Variants in CHST15 observed in about 807,000 individuals in gnomAD.
CHST15 encodes B cell RAG associated protein (GALNAC4S-6ST).
Under a neutral mutation model 53.6 loss-of-function variants are expected in CHST15, and 30 were observed. That is an observed-to-expected ratio of 0.56 (90% CI 0.42 to 0.76). CHST15 has a LOEUF of 0.76. Among genes scored for constraint, CHST15 ranks in the 30% least tolerant of loss-of-function variants. CHST15 has a pLI of 0.00. For missense variants in CHST15, 627 were observed against 740.5 expected, an observed-to-expected ratio of 0.85 and a Z score of 1.78; for synonymous variants, 296 against 289.8, an observed-to-expected ratio of 1.02 and a Z score of -0.22.
chr10:124,041,503 T>C (rs1363567841), intron 4 of CHST15, among the ~76,000 whole-genome samples: 1 of 152,164 alleles, frequency 6.6e-6, no homozygotes, highest in Non-Finnish European at 1.5e-5. Context: ...CTGGAAATTT[T>C]CCAAGACAGT....
intron 5 of CHST15, among the ~76,000 whole-genome samples, chr10:124,032,979 A>G (rs1947285138): frequency 6.6e-6 from 1 of 152,162 alleles, no homozygotes; most frequent in Non-Finnish European, 1.5e-5. Context: ...TCTCCAAGCC[A>G]ATTTATAGAA....
At chr10:124,013,026 C>T (rs1946464311) in intron 6 of CHST15, among the ~76,000 whole-genome samples, 1 of 152,214 alleles carries the variant, frequency 6.6e-6, no homozygotes, top group African/African-American at 2.4e-5. Flanking sequence ...TAAGTCCTTT[C>T]TACTTTCCAG....
intron 5 of CHST15, among the ~76,000 whole-genome samples, chr10:124,031,922 A>G (rs976421776): frequency 6.6e-6 from 1 of 151,964 alleles, no homozygotes; most frequent in Admixed American, 6.6e-5. Context: ...ACCCCGGTAC[A>G]CCTCCCAGAC....
At position 124,009,247 on chromosome 10, in the gene CHST15, G is replaced by A. The variant is rs1485498883; in HGVS notation, c.*902C>T. 1.0e-5 allele frequency: 11 copies of A among 1,090,724 alleles called. No individual in the cohort carries two copies. The highest frequency in any genetic ancestry group is 1.7e-5 in the African/African-American group (1 of 60,490). 67.6% of individuals were successfully genotyped at this position (1,090,724 alleles called of 1,614,324 possible). A position where few individuals can be genotyped will look rare whatever the true frequency, so the allele number is the denominator to read the frequency against. On this transcript the variant is annotated 3_prime_UTR_variant, in exon 8 of 8. Coordinates refer to ENST00000435907, the MANE Select transcript of CHST15 (RefSeq NM_001270764.2). Reference sequence around the variant, plus strand: ...AAGAAGTGTTCAATTCCTTGAGGTTGCTCATTCTGGCATTAACAGCAAAAA... The same window carrying A: ...AAGAAGTGTTCAATTCCTTGAGGTTACTCATTCTGGCATTAACAGCAAAAA...
intron 4 of CHST15, among the ~76,000 whole-genome samples, chr10:124,041,979 G>T (rs1334204801): frequency 2.6e-5 from 4 of 152,310 alleles, no homozygotes; most frequent in African/African-American, 9.6e-5. Flanking sequence ...TATCAGATCA[G>T]TACATCAGGA....
chr10:124,057,687 G>T (rs529590712), intron 1 of CHST15, among the ~76,000 whole-genome samples: 1 of 152,310 alleles, frequency 6.6e-6, no homozygotes, highest in South Asian at 2.1e-4. Flanking sequence ...AGAAGAACTA[G>T]CTCTGCTCCA....
chr10:124,041,899 T>G (rs560686419), intron 4 of CHST15, among the ~76,000 whole-genome samples: 1 of 152,110 alleles, frequency 6.6e-6, no homozygotes, highest in Non-Finnish European at 1.5e-5. Flanking sequence ...TGGCCAGGGA[T>G]TACAAAAGCC....
At chr10:124,066,649 G>C (rs1002099093) in intron 1 of CHST15, among the ~76,000 whole-genome samples, 2 of 152,252 alleles carry the variant, frequency 1.3e-5, no homozygotes, top group Non-Finnish European at 2.9e-5. Flanking sequence ...GAAGGATGAT[G>C]AACAAATCCC....
rs1426611571 is a variant in CHST15, at chr10:124,068,081, CA to C, written c.-512-21358del. On this transcript the variant is annotated intron_variant, in intron 1 of 7. Transcript: ENST00000435907. ...GCCTTAATTAGTGAAATAACTGAAGCAAAAAATGAGTATATGCCTAATTCCC... is the reference window on the plus strand; with the variant it reads ...GCCTTAATTAGTGAAATAACTGAAGCAAAAATGAGTATATGCCTAATTCCC... 2.6e-5 allele frequency among the ~76,000 whole-genome samples: 4 copies of C among 152,056 alleles called. 1 individual carries two copies. The South Asian group carries it at 6.2e-4, about 24-fold the overall frequency.
chr10:124,009,039 A>G lies in CHST15; in HGVS notation c.*1110T>C, dbSNP rs1259037103. 80 of 1,289,010 alleles carry G rather than the reference A, an allele frequency of 6.2e-5. No individual in the cohort carries two copies. Among genetic ancestry groups the G allele is most frequent in the Non-Finnish European group, 7.7e-5 (76 of 988,644 alleles). 79.8% of individuals were successfully genotyped at this position (1,289,010 alleles called of 1,614,324 possible). ...TGTGTTTTGGAATTGGGACACGAGT[A>G]TCTATAGTCCCTTGCTGGGTGAGGA... On this transcript the variant is annotated 3_prime_UTR_variant, in exon 8 of 8. Coordinates refer to ENST00000435907, the MANE Select transcript of CHST15 (RefSeq NM_001270764.2).
In CHST15 at chr10:124,045,817, C is replaced by T. The variant is rs1947979006; in HGVS notation, c.396G>A (p.Lys132=). The change falls in exon 2 of 8, where the codon AAG becomes AAA. Residue 132 remains lysine (K), a synonymous_variant. Transcript: ENST00000435907. The part of the protein sequence containing the change: ...LMDSENPSDT[K]EHHHQSSVNN... ...TTACAGAGGATTGGTGGTGATGCTCCTTTGTGTCACTTGGGTTTTCGCTGT... is the reference window on the plus strand; with the variant it reads ...TTACAGAGGATTGGTGGTGATGCTCTTTTGTGTCACTTGGGTTTTCGCTGT... The T allele has an allele frequency of 6.2e-7, 1 of 1,613,686 alleles. No homozygotes were observed. The highest frequency in any genetic ancestry group is 1.3e-5 in the African/African-American group (1 of 74,774).
chr10:124,013,400 T>C (rs4929832), intron 6 of CHST15, among the ~76,000 whole-genome samples: 37,014 of 152,180 alleles, frequency 0.24, 4,756 homozygotes, highest in Middle Eastern at 0.39. Context: ...CCACATACCA[T>C]GGCCAGTGGC....
chr10:124,089,965 C>G (rs1376213239), intron 1 of CHST15, among the ~76,000 whole-genome samples: 1 of 152,190 alleles, frequency 6.6e-6, no homozygotes, highest in Non-Finnish European at 1.5e-5. Flanking sequence ...TCAACAGCTG[C>G]TGAATGAACA....
chr10:124,038,595 T>C lies in CHST15; in HGVS notation c.1110A>G (p.Pro370=), dbSNP rs28375663. The C allele has an allele frequency of 0.16, 256,696 of 1,613,980 alleles. 21,688 individuals carry two copies. Among genetic ancestry groups the C allele is most frequent in the Non-Finnish European group, 0.17 (201,694 of 1,179,952 alleles). The stretch of plus-strand genomic sequence containing the variant: ...GGATGAAGTCCTGCGTCAGAAACGG[T>C]GGCTCGCCATCCGTGCTGTTGTCGT... ...FFYDNSTDGE[P]PFLTQDFIHA... Residue 370 remains proline (P), a synonymous_variant, in exon 5 of 8, where the codon CCA becomes CCG. Transcript: ENST00000435907.
intron 6 of CHST15, among the ~76,000 whole-genome samples, 197 bp from the exon 7 acceptor site, chr10:124,012,677 A>G (rs947268323): frequency 6.6e-5 from 10 of 152,296 alleles, no homozygotes; most frequent in Admixed American, 2.0e-4. Context: ...AAGAATTCCT[A>G]TATTAGGGGT....
rs928905203 is a variant in CHST15, at chr10:124,020,624, A to C, written c.1347+632T>G. 5.2e-5 allele frequency: 51 copies of C among 987,814 alleles called. No homozygotes were observed. The African/African-American group carries it at 7.3e-4, about 14-fold the overall frequency. The allele number at this position is 987,814 out of a possible 1,614,324, so 61.2% of individuals were successfully genotyped here. Reference sequence around the variant, plus strand: ...CTTGTAAAGCCACTCTGGAACACGCAGCGGCAATGCTCGCTGCATAAGCCC... The same window carrying C: ...CTTGTAAAGCCACTCTGGAACACGCCGCGGCAATGCTCGCTGCATAAGCCC... On this transcript the variant is annotated intron_variant, in intron 6 of 7. Coordinates refer to ENST00000435907, the MANE Select transcript of CHST15 (RefSeq NM_001270764.2).
intron 1 of CHST15, among the ~76,000 whole-genome samples, chr10:124,082,044 G>A (rs933755056): frequency 3.3e-5 from 5 of 152,158 alleles, no homozygotes; most frequent in Admixed American, 2.0e-4. Context: ...GTTCTTATTC[G>A]GCCGCTGGTG....
Position 124,012,257 on chromosome 10 carries a change from T to C in CHST15, c.1495+76A>G, listed in dbSNP as rs1169858109. 25 of 1,534,298 alleles carry C rather than the reference T, an allele frequency of 1.6e-5. No individual in the cohort carries two copies. In the East Asian group the frequency reaches 5.7e-4, roughly 35 times the overall value. On this transcript the variant is annotated intron_variant, in intron 7 of 7. Coordinates refer to ENST00000435907, the MANE Select transcript of CHST15 (RefSeq NM_001270764.2). ...TCCCACCCAGCTGACCAGGTCTGCATTTGCCCCAGAGGACTCCCAGAACAA... is the reference window on the plus strand; with the variant it reads ...TCCCACCCAGCTGACCAGGTCTGCACTTGCCCCAGAGGACTCCCAGAACAA...
intron 5 of CHST15, among the ~76,000 whole-genome samples, chr10:124,032,090 A>C (rs1307050564): frequency 6.6e-6 from 1 of 152,230 alleles, no homozygotes; most frequent in Non-Finnish European, 1.5e-5. Context: ...CATTTCATTA[A>C]AAGCCTGCTT....
Sources: allele counts gnomAD v4.1 joint callset (sites outside exome capture counted in the v4.1 genomes callset), GRCh38; gene constraint gnomAD v4.1.1; transcripts MANE v1.5; gene names NCBI Gene and HGNC (gene_info 2026-07-23, HGNC 2026-07-21).